Variants in LDB3 observed in about 807,000 individuals in gnomAD.
The protein encoded by LDB3 is LIM domain-binding protein 3.
In LDB3, 49 loss-of-function variants were observed where a neutral mutation model predicts 69.0. The ratio of observed to expected loss-of-function variants is 0.71; its 90% CI spans 0.56 to 0.90. The LOEUF (loss-of-function observed/expected upper bound fraction) is 0.90, where lower values mean the gene tolerates loss of function less well. Among genes scored for constraint, LDB3 ranks in the 40% least tolerant of loss-of-function variants. LDB3 has a pLI of 0.00. For missense variants in LDB3, 928 were observed against 974.1 expected (o/e 0.95, Z 0.63); for synonymous variants, 387 against 396.2 (o/e 0.98, Z 0.28).
intron 9 of LDB3, among the ~76,000 whole-genome samples, chr10:86,713,535 G>A (rs977690046): frequency 3.9e-5 from 6 of 152,134 alleles, no homozygotes; most frequent in African/African-American, 1.2e-4. Flanking sequence ...GTGAGCCACC[G>A]CGCCCAGCCA....
intron 5 of LDB3, among the ~76,000 whole-genome samples, chr10:86,685,489 C>T (rs1845416461): frequency 6.6e-6 from 1 of 152,172 alleles, no homozygotes; most frequent in Non-Finnish European, 1.5e-5. Flanking sequence ...TGAACCAAAC[C>T]GAGGGTCCCA....
Position 86,710,066 on chromosome 10 carries a change from G to A in LDB3, c.1231+16G>A, listed in dbSNP as rs534519683. On this transcript the variant is annotated intron_variant, in intron 9 of 13. Transcript: ENST00000361373. ...TACCAGCCAGGTAAGAGGCAGAGCAGGAGGGGAGGCTGTCGAAAGCCATGG... is the reference window on the plus strand; with the variant it reads ...TACCAGCCAGGTAAGAGGCAGAGCAAGAGGGGAGGCTGTCGAAAGCCATGG... 9 of 1,611,762 alleles carry A rather than the reference G, an allele frequency of 5.6e-6. No individual in the cohort carries two copies. The highest frequency in any genetic ancestry group is 4.4e-5 in the South Asian group (4 of 90,994).
At chr10:86,701,971 T>C (rs1846277012) in intron 7 of LDB3, among the ~76,000 whole-genome samples, 1 of 152,174 alleles carries the variant, frequency 6.6e-6, no homozygotes, top group African/African-American at 2.4e-5. Context: ...GATGAGGTGT[T>C]CTTCATCTAG....
chr10:86,670,845 G>A (rs1242664857), intron 2 of LDB3, among the ~76,000 whole-genome samples: 1 of 152,232 alleles, frequency 6.6e-6, no homozygotes, highest in Non-Finnish European at 1.5e-5. Flanking sequence ...CTTCCCCAGG[G>A]CTCGGAGCCT....
intron 5 of LDB3, among the ~76,000 whole-genome samples, chr10:86,685,448 C>G (rs1458461114): frequency 2.0e-5 from 3 of 152,208 alleles, no homozygotes; most frequent in Non-Finnish European, 2.9e-5. Context: ...CTGGGGACCC[C>G]TCAAGAGGGA....
chr10:86,726,469 C>A (rs1847262683), intron 13 of LDB3: 2 of 589,228 alleles, frequency 3.4e-6, no homozygotes, highest in Non-Finnish European at 6.1e-6. Flanking sequence ...TTGTTACTTT[C>A]CATTTCGTTA....
In LDB3 at chr10:86,699,077, T is replaced by C. The variant is rs1846137656; in HGVS notation, c.896+6506T>C. Among the ~76,000 whole-genome samples the C allele has an allele frequency of 6.6e-6, 1 of 152,020 alleles. No homozygotes were observed. The highest frequency in any genetic ancestry group is 1.5e-5 in the Non-Finnish European group (1 of 68,004). ...TCTCGGTCTTCCCCTAACCCAGGCCTGACCTGGGTTACAATGTACCCCATG... is the reference window on the plus strand; with the variant it reads ...TCTCGGTCTTCCCCTAACCCAGGCCCGACCTGGGTTACAATGTACCCCATG... On this transcript the variant is annotated intron_variant, in intron 7 of 13. Coordinates refer to ENST00000361373, the MANE Select transcript of LDB3 (RefSeq NM_007078.3). The surrounding 1 kb of genome is among the most constrained non-coding windows in gnomAD (Gnocchi z 4.9).
chr10:86,695,411 C>G (rs1001820579), intron 7 of LDB3, among the ~76,000 whole-genome samples: 1 of 152,220 alleles, frequency 6.6e-6, no homozygotes, highest in Non-Finnish European at 1.5e-5. Context: ...TAGCTTCCAT[C>G]TGAGGCTCCA....
chr10:86,715,950 G>T (rs1846850024), intron 9 of LDB3, among the ~76,000 whole-genome samples: 1 of 152,150 alleles, frequency 6.6e-6, no homozygotes. Context: ...AAAGCATCTT[G>T]CAGTCAAAGG....
intron 7 of LDB3, among the ~76,000 whole-genome samples, chr10:86,698,227 A>G (rs867248755): frequency 8.5e-5 from 13 of 152,268 alleles, no homozygotes; most frequent in African/African-American, 2.7e-4. Flanking sequence ...TTTAATCAGC[A>G]TAATTCCTGG....
At chr10:86,674,092 T>C (rs1844638273) in intron 2 of LDB3, among the ~76,000 whole-genome samples, 2 of 152,186 alleles carry the variant, frequency 1.3e-5, no homozygotes, top group South Asian at 4.1e-4. Context: ...CTGCCAGCTG[T>C]GGATCTTGTT....
chr10:86,668,857 G>A, intron 2 of LDB3, 73 bp downstream of exon 2: 2 of 1,148,428 alleles, frequency 1.7e-6, no homozygotes, highest in Non-Finnish European at 2.6e-6. Flanking sequence ...GTGTCCGTCT[G>A]TCTGTCTGTC....
chr10:86,689,159 T>C (rs1023621185), intron 5 of LDB3, among the ~76,000 whole-genome samples: 2 of 152,144 alleles, frequency 1.3e-5, no homozygotes, highest in Non-Finnish European at 2.9e-5. Context: ...CCCATTCCCA[T>C]AACTCGTTTC....
In LDB3 at chr10:86,718,780, G is replaced by T; in HGVS notation, c.1911G>T (p.Ala637=). 6.2e-7 allele frequency: 1 copy of T among 1,614,098 alleles called. No homozygotes were observed. Among genetic ancestry groups the T allele is most frequent in the African/African-American group, 1.3e-5 (1 of 75,018 alleles). ...QTWHTTCFVC[A]ACKKPFGNSL... is the part of the protein sequence containing the mutation. Reference sequence around the variant, plus strand: ...GGCACACCACCTGCTTCGTCTGTGCGGCCTGCAAGAAGCCTTTTGGGAACA... The same window carrying T: ...GGCACACCACCTGCTTCGTCTGTGCTGCCTGCAAGAAGCCTTTTGGGAACA... Residue 637 remains alanine, a synonymous_variant, in exon 12 of 14, where the codon GCG becomes GCT. Coordinates refer to ENST00000361373, the MANE Select transcript of LDB3 (RefSeq NM_007078.3).
intron 5 of LDB3, among the ~76,000 whole-genome samples, chr10:86,683,468 G>A (rs1249480448): frequency 6.6e-6 from 1 of 152,238 alleles, no homozygotes; most frequent in Non-Finnish European, 1.5e-5. Context: ...ATTGAGACAG[G>A]GACTTGCTGC....
At chr10:86,705,775 G>A (rs1846417471) in intron 7 of LDB3, among the ~76,000 whole-genome samples, 1 of 152,204 alleles carries the variant, frequency 6.6e-6, no homozygotes, top group Non-Finnish European at 1.5e-5. Context: ...TGGGTGCATG[G>A]CAAATCCTCT....
chr10:86,718,275 G>A, intron 11 of LDB3, 131 bp downstream of exon 11: 2 of 875,832 alleles, frequency 2.3e-6, no homozygotes, highest in Non-Finnish European at 1.9e-6. Flanking sequence ...ATCCTAAAAG[G>A]GAATTGGTTT....
intron 13 of LDB3, 117 bp from the exon 14 acceptor site, chr10:86,732,770 C>G (rs1169452051): frequency 9.2e-6 from 7 of 764,878 alleles, no homozygotes; most frequent in Admixed American, 8.4e-5. Context: ...TTCCAAAGTG[C>G]TGGGATTACA....
At chr10:86,712,424 C>G (rs1167778680) in intron 9 of LDB3, among the ~76,000 whole-genome samples, 1 of 152,166 alleles carries the variant, frequency 6.6e-6, no homozygotes, top group Non-Finnish European at 1.5e-5. Context: ...AGGGGGCGTA[C>G]TAAAGCCTGT....
Sources: gnomAD v4.1 joint callset for allele counts (sites outside exome capture counted in the v4.1 genomes callset) on GRCh38, gnomAD v4.1.1 for gene constraint, Gnocchi (gnomAD v3.1) non-coding constraint, MANE v1.5 for transcripts, NCBI Gene and HGNC (gene_info 2026-07-23, HGNC 2026-07-21) for gene names.